Variants in TRIM71 observed in about 807,000 individuals in gnomAD.
The protein encoded by TRIM71 is tripartite motif containing 71, also known as E3 ubiquitin-protein ligase TRIM71.
TRIM71 carries 9 observed loss-of-function variants against 61.2 expected under a neutral mutation model. The ratio of observed to expected loss-of-function variants is 0.15; its 90% CI spans 0.09 to 0.26. TRIM71 has a LOEUF of 0.26. Ranked by LOEUF, TRIM71 falls within the 10% of genes least tolerant of loss-of-function variation. The pLI, the probability that TRIM71 is intolerant of heterozygous loss-of-function variation, is 1.00. For missense variants in TRIM71, 998 were observed against 1,238.7 expected (o/e 0.81, Z 2.92); for synonymous variants, 645 against 553.2 (o/e 1.17, Z -2.33).
At chr3:32,823,361 C>T (rs904519659) in intron 1 of TRIM71, among the ~76,000 whole-genome samples, 22 of 152,164 alleles carry the variant, frequency 1.4e-4, no homozygotes, top group African/African-American at 5.3e-4. Flanking sequence ...GAAGGCATAA[C>T]CTGTCATAAA....
At chr3:32,883,421 A>G (rs919464990) in intron 2 of TRIM71, among the ~76,000 whole-genome samples, 1 of 152,178 alleles carries the variant, frequency 6.6e-6, no homozygotes, top group Non-Finnish European at 1.5e-5. Context: ...AGGAAGACTC[A>G]TTGCTTTCCT....
chr3:32,871,394 C>T (rs1379298660), intron 1 of TRIM71, among the ~76,000 whole-genome samples: 1 of 152,176 alleles, frequency 6.6e-6, no homozygotes, highest in East Asian at 1.9e-4. Context: ...CTCAAGGTTG[C>T]TTAGCTGTTA....
At chr3:32,833,937 C>G (rs1696304453) in intron 1 of TRIM71, among the ~76,000 whole-genome samples, 2 of 152,130 alleles carry the variant, frequency 1.3e-5, no homozygotes, top group African/African-American at 4.8e-5. Flanking sequence ...CCTAAAACAA[C>G]AGGTTTTTAC....
In TRIM71 at chr3:32,839,854, C is replaced by T. The variant is rs1208536515; in HGVS notation, c.852+20922C>T. Among the ~76,000 whole-genome samples, 3 of 152,176 alleles carry T rather than the reference C, an allele frequency of 2.0e-5. No individual in the cohort carries two copies. In the East Asian group the frequency reaches 5.8e-4, roughly 29 times the overall value. On this transcript the variant is annotated intron_variant, in intron 1 of 3. Transcript: ENST00000383763. ...GGGAAGAGGGTAGAAGAGCCACTTG[C>T]AGTGGTCCCAGAAGAAAGACCTGAG... is the stretch of plus-strand genomic sequence containing the variant.
chr3:32,879,484 G>A (rs1696884812), intron 2 of TRIM71, among the ~76,000 whole-genome samples: 1 of 151,928 alleles, frequency 6.6e-6, no homozygotes, highest in Non-Finnish European at 1.5e-5. Flanking sequence ...GCCATTGTAG[G>A]GTTACTAAGT....
At chr3:32,852,217 C>T (rs1262518847) in intron 1 of TRIM71, among the ~76,000 whole-genome samples, 9 of 152,170 alleles carry the variant, frequency 5.9e-5, no homozygotes, top group Middle Eastern at 3.4e-3. Context: ...GACAGTGTCA[C>T]GGCCTAAACT....
intron 1 of TRIM71, among the ~76,000 whole-genome samples, chr3:32,863,782 A>G (rs1328487572): frequency 6.6e-6 from 1 of 151,824 alleles, no homozygotes; most frequent in African/African-American, 2.4e-5. Context: ...CCCGGGTTCA[A>G]GCAATTCTCC....
intron 1 of TRIM71, among the ~76,000 whole-genome samples, chr3:32,836,334 A>C (rs1042926678): frequency 1.3e-5 from 2 of 151,556 alleles, no homozygotes; most frequent in African/African-American, 2.4e-5. Context: ...TGAGCTTTTC[A>C]TATGTTTACT....
intron 1 of TRIM71, among the ~76,000 whole-genome samples, chr3:32,832,344 G>T (rs1368256795): frequency 6.6e-6 from 1 of 152,162 alleles, no homozygotes; most frequent in East Asian, 1.9e-4. Context: ...TGTAGTCCCA[G>T]CTACTGGAGG....
chr3:32,822,135 G>T (rs1166495166), intron 1 of TRIM71, among the ~76,000 whole-genome samples: 1 of 152,176 alleles, frequency 6.6e-6, no homozygotes, highest in Non-Finnish European at 1.5e-5. Context: ...TCAGGATTCT[G>T]TGAATGGCGG....
At chr3:32,854,401 C>T (rs190902617) in intron 1 of TRIM71, among the ~76,000 whole-genome samples, 1 of 152,162 alleles carries the variant, frequency 6.6e-6, no homozygotes, top group Non-Finnish European at 1.5e-5. Flanking sequence ...TGCTTCTGGA[C>T]ATTGCTTAGG....
rs1696076978 is a variant in TRIM71, at chr3:32,818,116, C to T, written c.36C>T (p.Cys12=). ...TCCCCGAGACCGATTTCCAGATCTG[C>T]TTGCTGTGCAAGGAGATGTGCGGCT... ...ASFPETDFQI[C]LLCKEMCGSP... Residue 12 remains cysteine (C), a synonymous_variant, in exon 1 of 4, where the codon TGC becomes TGT. Transcript: ENST00000383763. 2.5e-6 allele frequency: 4 copies of T among 1,612,576 alleles called. No homozygotes were observed. The highest frequency in any genetic ancestry group is 1.3e-5 in the African/African-American group (1 of 74,792).
At chr3:32,820,182 C>A (rs549094219) in intron 1 of TRIM71, among the ~76,000 whole-genome samples, 1 of 152,206 alleles carries the variant, frequency 6.6e-6, no homozygotes, top group South Asian at 2.1e-4. Context: ...TAGTGGGGGT[C>A]GTGGCCTGTG....
chr3:32,871,457 A>G (rs1278277244), intron 1 of TRIM71, among the ~76,000 whole-genome samples: 2 of 152,218 alleles, frequency 1.3e-5, no homozygotes, highest in African/African-American at 4.8e-5. Context: ...CACATGTACA[A>G]GAAACTTTCT....
intron 2 of TRIM71, among the ~76,000 whole-genome samples, chr3:32,878,393 T>C (rs561094071): frequency 1.0e-3 from 152 of 152,306 alleles, no homozygotes; most frequent in African/African-American, 3.4e-3. Flanking sequence ...GTGGATCACC[T>C]GGGATGAGGA....
intron 2 of TRIM71, among the ~76,000 whole-genome samples, chr3:32,877,085 A>G (rs1696858602): frequency 6.6e-6 from 1 of 151,890 alleles, no homozygotes; most frequent in South Asian, 2.1e-4. Flanking sequence ...GATTTCCTAG[A>G]AAGTTTTTGT....
intron 1 of TRIM71, among the ~76,000 whole-genome samples, chr3:32,826,769 T>C (rs1484282113): frequency 6.6e-6 from 1 of 150,682 alleles, no homozygotes; most frequent in African/African-American, 2.4e-5. Context: ...GTTTTGTTTG[T>C]TTTTTTGAGA....
intron 1 of TRIM71, among the ~76,000 whole-genome samples, chr3:32,824,234 G>A (rs1162330614): frequency 2.0e-5 from 3 of 152,100 alleles, no homozygotes; most frequent in Admixed American, 2.0e-4. Context: ...CTGGAGTGCG[G>A]TGGTGCAGTC....
At chr3:32,863,195 CTTTTTTTTTTT>C (rs11348995) in intron 1 of TRIM71, among the ~76,000 whole-genome samples, 13 of 53,750 alleles carry the variant, frequency 2.4e-4, no homozygotes, top group East Asian at 6.8e-4. Context: ...TTAATTGAAC[CTTTTTTTTTTT>C]TTTTTTTTTT....
Sources: gnomAD v4.1 joint callset for allele counts (sites outside exome capture counted in the v4.1 genomes callset) on GRCh38, gnomAD v4.1.1 for gene constraint, MANE v1.5 for transcripts, NCBI Gene and HGNC (gene_info 2026-07-23, HGNC 2026-07-21) for gene names.